Variants in CCDC57 observed in about 807,000 individuals in gnomAD.
The protein encoded by CCDC57 is coiled-coil domain containing 57, also known as coiled-coil domain-containing protein 57.
In CCDC57, 118 loss-of-function variants were observed where a neutral mutation model predicts 118.9. The observed-to-expected ratio is 0.99, with a 90% CI of 0.86 to 1.16. The LOEUF (loss-of-function observed/expected upper bound fraction) is 1.16. Among genes scored for constraint, CCDC57 ranks in the 50% most tolerant of loss-of-function variants. CCDC57 has a pLI of 0.00. For synonymous variants in CCDC57, 527 were observed against 532.9 expected (o/e 0.99, Z 0.15); for missense variants, 1,300 against 1,320.7 (o/e 0.98, Z 0.24).
exon 20 of CCDC57, chr17:82,101,597 A>T (rs755270994): frequency 8.4e-7 from 1 of 1,186,076 alleles, no homozygotes; most frequent in Non-Finnish European, 1.2e-6. Context: ...CTGTGCCCAC[A>T]CCCCCCCACA....
At chr17:82,124,974 G>A (rs1370127903) in intron 19 of CCDC57, among the ~76,000 whole-genome samples, 3 of 152,136 alleles carry the variant, frequency 2.0e-5, no homozygotes, top group Non-Finnish European at 2.9e-5. Flanking sequence ...GCAAGGAGGC[G>A]GTGCCCCTAA....
rs538744740 is a variant in CCDC57, at chr17:82,176,006, T to C, written c.1506+2468A>G. Among the ~76,000 whole-genome samples the C allele has an allele frequency of 1.2e-3, 187 of 152,232 alleles. 1 individual carries two copies. Among genetic ancestry groups the C allele is most frequent in the Non-Finnish European group, 1.6e-3 (107 of 68,040 alleles). On this transcript the variant is annotated intron_variant, in intron 11 of 19. Transcript: ENST00000665763. Reference sequence around the variant, plus strand: ...GGTCAAGATCTAAAGTTTATTTTGCTGTACAATGTTGGCAGAAGAGCTGAG... The same window carrying C: ...GGTCAAGATCTAAAGTTTATTTTGCCGTACAATGTTGGCAGAAGAGCTGAG...
intron 16 of CCDC57, among the ~76,000 whole-genome samples, chr17:82,143,942 A>G (rs1234537990): frequency 9.1e-6 from 1 of 110,216 alleles, no homozygotes; most frequent in Non-Finnish European, 1.8e-5. Flanking sequence ...TACTAAAAAT[A>G]CAAAAAAAAA....
At chr17:82,110,113 A>C (rs1340757827) in intron 19 of CCDC57, among the ~76,000 whole-genome samples, 1 of 150,632 alleles carries the variant, frequency 6.6e-6, no homozygotes, top group Non-Finnish European at 1.5e-5. Context: ...CCCGAGTAGC[A>C]GGGATTACAG....
At position 82,172,945 on chromosome 17, in the gene CCDC57, G is replaced by A. The variant is rs1029046591; in HGVS notation, c.1507-85C>T. The A allele has an allele frequency of 2.9e-5, 36 of 1,258,464 alleles. No homozygotes were observed. Among genetic ancestry groups the A allele is most frequent in the Non-Finnish European group, 3.6e-5 (32 of 888,704 alleles). The allele number at this position is 1,258,464 out of a possible 1,614,324, so 78.0% of individuals were successfully genotyped here. A position where few individuals can be genotyped will look rare whatever the true frequency, so the allele number is the denominator to read the frequency against. On this transcript the variant is annotated intron_variant, in intron 11 of 19. Transcript: ENST00000665763. This position sits in a 1 kb window ranked among gnomAD's most constrained non-coding sequence, Gnocchi z 5.2. ...CAGGCTGTGCCTCCGCTCTCCCCGC[G>A]CCCCTCTCGGGCCGGTCCCCCGCTT...
rs989948750 is a variant in CCDC57 at position 82,113,163 on chromosome 17, A to G, written c.2900-11297T>C. The G allele has an allele frequency of 5.4e-6, 3 of 552,832 alleles. No homozygotes were observed. The African/African-American group carries it at 5.7e-5, about 10-fold the overall frequency. 34.2% of individuals were successfully genotyped at this position (552,832 alleles called of 1,614,324 possible). A position where few individuals can be genotyped will look rare whatever the true frequency, so the allele number is the denominator to read the frequency against. Reference sequence around the variant, plus strand: ...ACATCTACTTGACCATCTGTTTCTCAGAAAGTTCCAAGACTGCCCTGTCCT... The same window carrying G: ...ACATCTACTTGACCATCTGTTTCTCGGAAAGTTCCAAGACTGCCCTGTCCT... On this transcript the variant is annotated intron_variant, in intron 19 of 19. Coordinates refer to ENST00000665763, the Ensembl canonical transcript of CCDC57.
chr17:82,113,206 ATGATAATCAG>A, intron 19 of CCDC57: 1 of 598,740 alleles, frequency 1.7e-6, no homozygotes, highest in South Asian at 2.0e-5. Flanking sequence ...GCCACAGGTC[ATGATAATCAG>A]TGAAGGCGGG....
chr17:82,202,983 G>C (rs1444054167), intron 2 of CCDC57, among the ~76,000 whole-genome samples: 1 of 152,176 alleles, frequency 6.6e-6, no homozygotes, highest in African/African-American at 2.4e-5. Flanking sequence ...CCTGCTCCTG[G>C]AAGATTCACC....
At chr17:82,190,948 C>A (rs1054112595) in intron 7 of CCDC57, among the ~76,000 whole-genome samples, 5 of 151,598 alleles carry the variant, frequency 3.3e-5, no homozygotes, top group Admixed American at 6.6e-5. Context: ...CAGGCTTCCA[C>A]CACTGAAGCC....
intron 19 of CCDC57, among the ~76,000 whole-genome samples, chr17:82,107,908 A>G (rs2034981301): frequency 6.6e-6 from 1 of 152,158 alleles, no homozygotes; most frequent in Non-Finnish European, 1.5e-5. Context: ...GGTGGGCTCC[A>G]GGGCCCAGAG....
intron 16 of CCDC57, among the ~76,000 whole-genome samples, chr17:82,135,595 C>T (rs532886345): frequency 3.3e-5 from 5 of 152,106 alleles, no homozygotes; most frequent in Admixed American, 1.3e-4. Context: ...TGGAAATGAA[C>T]GTGTTTCCCT....
chr17:82,197,907 G>C (rs1026522879), intron 4 of CCDC57, among the ~76,000 whole-genome samples: 1 of 152,200 alleles, frequency 6.6e-6, no homozygotes, highest in Non-Finnish European at 1.5e-5. Context: ...CTGGTGCTCA[G>C]GCCTTTGCCC....
intron 16 of CCDC57, among the ~76,000 whole-genome samples, chr17:82,151,180 C>A (rs1227433651): frequency 1.5e-5 from 2 of 131,266 alleles, no homozygotes; most frequent in Admixed American, 7.9e-5. Flanking sequence ...CAGAACCAGG[C>A]GCACACCCAG....
chr17:82,101,747 G>A, exon 20 of CCDC57: 3 of 1,609,406 alleles, frequency 1.9e-6, no homozygotes, highest in South Asian at 1.1e-5. Context: ...TTTGCAGGAT[G>A]AGACCGGGAG....
At chr17:82,105,765 G>C (rs145951088) in intron 19 of CCDC57, among the ~76,000 whole-genome samples, 45 of 152,292 alleles carry the variant, frequency 3.0e-4, no homozygotes, top group African/African-American at 9.6e-4. Context: ...GGACACTCCG[G>C]GCCTGCTATG....
chr17:82,134,090 G>T, exon 17 of CCDC57: 2 of 1,416,616 alleles, frequency 1.4e-6, no homozygotes, highest in Non-Finnish European at 1.8e-6. Context: ...GTAAAATGGG[G>T]CTGCACCTGT....
chr17:82,205,775 C>G (rs769153479), intron 2 of CCDC57, among the ~76,000 whole-genome samples: 1 of 152,204 alleles, frequency 6.6e-6, no homozygotes, highest in Non-Finnish European at 1.5e-5. Context: ...GCAAGTGACT[C>G]GGTGCAGCAC....
At position 82,184,025 on chromosome 17, in the gene CCDC57, GCGCGCGCACA is replaced by G. The variant is rs56671535; in HGVS notation, c.1053-103_1053-94del. The stretch of plus-strand genomic sequence containing the variant: ...CCCCAGCAAATACACATGCGCGCGC[GCGCGCGCACA>G]CACACACACACACACACACACACAC... On this transcript the variant is annotated intron_variant, in intron 8 of 19. Transcript: ENST00000665763. 2.4e-3 allele frequency: 933 copies of G among 387,530 alleles called. 3 individuals carry two copies. The highest frequency in any genetic ancestry group is 0.012 in the African/African-American group (410 of 35,466). The allele number at this position is 387,530 out of a possible 1,614,324, so 24.0% of individuals were successfully genotyped here. A position where few individuals can be genotyped will look rare whatever the true frequency, so the allele number is the denominator to read the frequency against.
intron 11 of CCDC57, among the ~76,000 whole-genome samples, chr17:82,177,316 C>A (rs1021907784): frequency 1.3e-5 from 2 of 151,630 alleles, no homozygotes; most frequent in Admixed American, 6.6e-5. Flanking sequence ...GCGGAGGGTG[C>A]GGTGAGCAGA....
Sources: gnomAD v4.1 joint callset for allele counts (sites outside exome capture counted in the v4.1 genomes callset) on GRCh38, gnomAD v4.1.1 for gene constraint, Gnocchi (gnomAD v3.1) non-coding constraint, MANE v1.5 for transcripts, NCBI Gene and HGNC (gene_info 2026-07-23, HGNC 2026-07-21) for gene names.